The following NBPF11 variants were observed in gnomAD, a reference collection of about 807,000 sequenced individuals.
NBPF11 encodes NBPF member 11, also known as NBPF family member NBPF11.
In NBPF11, 72 loss-of-function variants were observed where a neutral mutation model predicts 93.9. The observed-to-expected ratio is 0.77, with a 90% CI of 0.63 to 0.93. The LOEUF is 0.93. Among genes scored for constraint, NBPF11 ranks in the 40% least tolerant of loss-of-function variants. The probability of loss-of-function intolerance (pLI) is 0.00; values close to 1 mark genes in which losing one functional copy is unlikely to be tolerated. For synonymous variants in NBPF11, 224 were observed against 304.9 expected (o/e 0.73, Z 2.76); for missense variants, 705 against 802.2 (o/e 0.88, Z 1.46).
In NBPF11 at chr1:148,103,706, T is replaced by C. The variant is rs1467524452; in HGVS notation, c.*190A>G. 1.8e-4 allele frequency: 283 copies of C among 1,611,292 alleles called. 1 individual carries two copies. The Middle Eastern group carries it at 3.4e-3, about 19-fold the overall frequency. ...TATGACTCCCATCTGGAAGACCAGG[T>C]GGAGACTTCTCACCGTCAAAGTAAA... On this transcript the variant is annotated 3_prime_UTR_variant, in exon 24 of 24. Coordinates refer to ENST00000682118, the MANE Select transcript of NBPF11 (RefSeq NM_001385469.3).
chr1:148,103,977 A>G (rs1434127012), intron 23 of NBPF11, 65 bp from the exon 24 acceptor site: 2 of 1,609,482 alleles, frequency 1.2e-6, no homozygotes, highest in African/African-American at 2.7e-5. Flanking sequence ...GCCCCACTAG[A>G]TTTCAGAAGT....
chr1:148,120,835 T>G, intron 9 of NBPF11, 125 bp from the exon 10 acceptor site: 1 of 793,224 alleles, frequency 1.3e-6, no homozygotes, highest in Non-Finnish European at 2.2e-6. Context: ...TTCCCTGGTT[T>G]CACTCTTGTC....
rs1305719514 is a variant in NBPF11, at chr1:148,109,152, A to C, written c.1853+132T>G. 3.4e-5 allele frequency: 27 copies of C among 783,244 alleles called. No individual in the cohort carries two copies. In the East Asian group the frequency reaches 6.0e-4, roughly 18 times the overall value. 48.5% of individuals were successfully genotyped at this position (783,244 alleles called of 1,614,324 possible). ...CATTTACTCTAATGAGAACCAAAAA[A>C]CAATGCAGTAGGCATAATTCAGACT... On this transcript the variant is annotated intron_variant, in intron 17 of 23. Coordinates refer to ENST00000682118, the MANE Select transcript of NBPF11 (RefSeq NM_001385469.3).
Position 148,146,126 on chromosome 1 carries a change from G to A in NBPF11, c.-548-2440C>T, listed in dbSNP as rs1462298004. Among the ~76,000 whole-genome samples, 11 of 151,854 alleles carry A rather than the reference G, an allele frequency of 7.2e-5. No individual in the cohort carries two copies. In the South Asian group the frequency reaches 1.5e-3, roughly 20 times the overall value. ...CGGGCGGCCGGGAGCCATGGAGCGCGGCCCTGGGGCCCGGGGGCGCGGGCC... is the reference window on the plus strand; with the variant it reads ...CGGGCGGCCGGGAGCCATGGAGCGCAGCCCTGGGGCCCGGGGGCGCGGGCC... On this transcript the variant is annotated intron_variant, in intron 1 of 23. Transcript: ENST00000682118.
chr1:148,104,251 A>G (rs1362279472), intron 23 of NBPF11, among the ~76,000 whole-genome samples: 7 of 145,534 alleles, frequency 4.8e-5, no homozygotes, highest in Admixed American at 1.4e-4. Context: ...TGTGATCATG[A>G]AAAGAGTGAG....
chr1:148,151,646 C>G (rs1313348913), intron 1 of NBPF11, 104 bp downstream of exon 1: 3 of 152,320 alleles, frequency 2.0e-5, no homozygotes, highest in African/African-American at 7.3e-5. Flanking sequence ...CCGCCCCGCT[C>G]GCCTAACAAA....
Position 148,102,190 on chromosome 1 carries a change from C to T in NBPF11, c.*1706G>A, listed in dbSNP as rs1213522650. 6 of 151,968 alleles carry T rather than the reference C, an allele frequency of 3.9e-5. No homozygotes were observed. The highest frequency in any genetic ancestry group is 3.3e-4 in the Admixed American group (5 of 15,266). 9.4% of individuals were successfully genotyped at this position (151,968 alleles called of 1,614,324 possible). ...TTTTAATTGTATAGATTAAAATTAA[C>T]TTTGGACAAAAATTAAAACTCAGGC... On this transcript the variant is annotated 3_prime_UTR_variant, in exon 24 of 24. Coordinates refer to ENST00000682118, the MANE Select transcript of NBPF11 (RefSeq NM_001385469.3).
rs1416483714 is a variant in NBPF11 at position 148,129,176 on chromosome 1, T to A, written c.-35-2138A>T. 1.4e-4 allele frequency among the ~76,000 whole-genome samples: 20 copies of A among 146,236 alleles called. No individual in the cohort carries two copies. The South Asian group carries it at 4.2e-3, about 31-fold the overall frequency. The stretch of plus-strand genomic sequence containing the variant: ...TATATTATATATATATACACATATA[T>A]ACATGTATACACGTATATATAAAAT... On this transcript the variant is annotated intron_variant, in intron 4 of 23. Transcript: ENST00000682118.
In NBPF11 at chr1:148,120,661, G is replaced by A. The variant is rs1248356794; in HGVS notation, c.828C>T (p.Ala276=). Residue 276 remains alanine (A), a synonymous_variant, in exon 10 of 24, where the codon GCC becomes GCT. Coordinates refer to ENST00000682118, the MANE Select transcript of NBPF11 (RefSeq NM_001385469.3). ...CTGCCTTCTCGCTGGACAAAGGGCC[G>A]GCTGATACCACCATGCTGACGTTTG... ...SATNVSMVVS[A]GPLSSEKAEM... 126 of 1,536,480 alleles carry A rather than the reference G, an allele frequency of 8.2e-5. 1 individual carries two copies. The highest frequency in any genetic ancestry group is 7.8e-4 in the South Asian group (70 of 89,536).
intron 17 of NBPF11, 131 bp from the exon 18 acceptor site, chr1:148,108,785 A>T (rs1664459975): frequency 1.4e-6 from 1 of 693,582 alleles, no homozygotes; most frequent in Non-Finnish European, 2.7e-6. Flanking sequence ...GAGGTAACAA[A>T]TTATTGCCTT....
intron 1 of NBPF11, chr1:148,149,238 G>A: frequency 6.3e-7 from 1 of 1,584,008 alleles, no homozygotes; most frequent in Non-Finnish European, 8.5e-7. Context: ...CTGGCCTCGC[G>A]CTACGAGTGT....
At chr1:148,128,905 C>T (rs1239975752) in intron 4 of NBPF11, among the ~76,000 whole-genome samples, 113 of 145,652 alleles carry the variant, frequency 7.8e-4, no homozygotes, top group Non-Finnish European at 1.4e-3. Context: ...CATTTAGAAG[C>T]GGCGGTGCGA....
In NBPF11 at chr1:148,108,104, T is replaced by A. The variant is rs1664209333; in HGVS notation, c.2027-342A>T. Reference sequence around the variant, plus strand: ...AACTGCACTATTCAGCCCTGTCTCATCAAATACTCAGATTGTTCATGGTAG... The same window carrying A: ...AACTGCACTATTCAGCCCTGTCTCAACAAATACTCAGATTGTTCATGGTAG... On this transcript the variant is annotated intron_variant, in intron 18 of 23. Coordinates refer to ENST00000682118, the MANE Select transcript of NBPF11 (RefSeq NM_001385469.3). Among the ~76,000 whole-genome samples the A allele has an allele frequency of 2.0e-5, 3 of 149,502 alleles. No individual in the cohort carries two copies. The South Asian group carries it at 6.3e-4, about 32-fold the overall frequency.
chr1:148,108,903 G>C (rs1196534444), intron 17 of NBPF11, among the ~76,000 whole-genome samples: 1 of 135,474 alleles, frequency 7.4e-6, no homozygotes, highest in Non-Finnish European at 1.6e-5. Flanking sequence ...TGTGAGCTCA[G>C]TCAATTGGCC....
chr1:148,118,596 C>A (rs1412173205), intron 11 of NBPF11, 24 bp downstream of exon 11: 1 of 1,594,188 alleles, frequency 6.3e-7, no homozygotes, highest in African/African-American at 1.3e-5. Flanking sequence ...TGCCCCCCTG[C>A]CTGCCCCCAT....
At chr1:148,114,176 C>A (rs1665931853) in intron 15 of NBPF11, among the ~76,000 whole-genome samples, 3 of 146,528 alleles carry the variant, frequency 2.0e-5, no homozygotes, top group East Asian at 4.0e-4. Context: ...GAATCCAGGG[C>A]TGGTTTTTTG....
intron 1 of NBPF11, chr1:148,149,703 G>T (rs1387047524): frequency 3.3e-6 from 2 of 609,330 alleles, no homozygotes; most frequent in South Asian, 2.0e-5. Context: ...GGCTGTGGAC[G>T]ATGTACAGGC....
At chr1:148,119,816 C>T (rs1667417835) in intron 10 of NBPF11, among the ~76,000 whole-genome samples, 2 of 151,918 alleles carry the variant, frequency 1.3e-5, no homozygotes, top group Non-Finnish European at 1.5e-5. Context: ...CCACCACGCC[C>T]ATCTACTTTT....
chr1:148,148,209 G>T (rs1480837332), intron 1 of NBPF11, among the ~76,000 whole-genome samples: 1 of 152,242 alleles, frequency 6.6e-6, no homozygotes, highest in Non-Finnish European at 1.5e-5. Flanking sequence ...GTGCTGCCAG[G>T]AGGCTGGGAT....
Sources: allele counts gnomAD v4.1 joint callset (sites outside exome capture counted in the v4.1 genomes callset), GRCh38; gene constraint gnomAD v4.1.1; transcripts MANE v1.5; gene names NCBI Gene and HGNC (gene_info 2026-07-23, HGNC 2026-07-21).